The following FARS2 variants were observed in gnomAD, a reference collection of about 807,000 sequenced individuals.
FARS2 encodes the protein phenylalanyl-tRNA synthetase 2, mitochondrial, also known as phenylalanine--tRNA ligase, mitochondrial.
A neutral mutation model predicts 46.4 loss-of-function variants in FARS2; 40 were observed. The ratio of observed to expected loss-of-function variants is 0.86; its 90% CI spans 0.67 to 1.12. FARS2 has a LOEUF of 1.12. FARS2 is among the 50% of genes most tolerant of loss of function. FARS2 has a pLI of 0.00. For missense variants in FARS2, 513 were observed against 567.9 expected (o/e 0.90, Z 0.98); for synonymous variants, 234 against 214.9 (o/e 1.09, Z -0.78).
intron 4 of FARS2, among the ~76,000 whole-genome samples, chr6:5,489,680 A>G (rs2150358232): frequency 6.6e-6 from 1 of 152,224 alleles, no homozygotes; most frequent in South Asian, 2.1e-4. Context: ...TTTCCTGTAC[A>G]GGCATATTAG....
rs565135266 is a variant in FARS2 at position 5,737,995 on chromosome 6, C to T, written c.1218-33296C>T. ...AGACCACATCTTGCTCTGTCACCCA[C>T]GCTGGAGTGCAGTGGTGCAATCATG... On this transcript the variant is annotated intron_variant, in intron 6 of 6. Transcript: ENST00000274680. Among the ~76,000 whole-genome samples the T allele has an allele frequency of 9.8e-5, 15 of 152,290 alleles. No individual in the cohort carries two copies. The South Asian group carries it at 2.1e-3, about 21-fold the overall frequency.
In FARS2 at chr6:5,471,511, T is replaced by G. The variant is rs1174360404; in HGVS notation, c.904+40339T>G. On this transcript the variant is annotated intron_variant, in intron 4 of 6. Transcript: ENST00000274680. This position sits in a 1 kb window ranked among gnomAD's most constrained non-coding sequence, Gnocchi z 4.1. ...TCCTTTAATGAAGGACATATGAGAT[T>G]TTTGCTTGAAGTAAATGTTACCAGC... Among the ~76,000 whole-genome samples, 1 of 152,212 alleles carries G rather than the reference T, an allele frequency of 6.6e-6. No homozygotes were observed. Among genetic ancestry groups the G allele is most frequent in the Non-Finnish European group, 1.5e-5 (1 of 68,038 alleles).
intron 6 of FARS2, among the ~76,000 whole-genome samples, chr6:5,664,755 G>A (rs1160395052): frequency 1.3e-5 from 2 of 152,122 alleles, no homozygotes; most frequent in Non-Finnish European, 1.5e-5. Context: ...CTTCCTCAGC[G>A]TAGGCATATA....
At chr6:5,524,160 G>A (rs9405273) in intron 4 of FARS2, among the ~76,000 whole-genome samples, 90,121 of 152,044 alleles carry the variant, frequency 0.59, 27,520 homozygotes, top group African/African-American at 0.71. Context: ...TTTAGAGATA[G>A]CAGTGTTACC....
At chr6:5,405,480 C>CTGTTTTTTTTTTTTTTTT (rs1761518496) in intron 3 of FARS2, among the ~76,000 whole-genome samples, 3 of 58,946 alleles carry the variant, frequency 5.1e-5, no homozygotes, top group Non-Finnish European at 9.3e-5. Context: ...GAGCAAGGTT[C>CTGTTTTTTTTTTTTTTTT]TTTTTTTTTT....
At chr6:5,315,764 T>TCTTCC (rs1232161052) in intron 1 of FARS2, among the ~76,000 whole-genome samples, 1 of 152,030 alleles carries the variant, frequency 6.6e-6, no homozygotes. Flanking sequence ...CTTTCTTTTT[T>TCTTCC]TTGGGGAGAA....
At chr6:5,526,167 A>C (rs748418252) in intron 4 of FARS2, among the ~76,000 whole-genome samples, 15 of 152,234 alleles carry the variant, frequency 9.9e-5, no homozygotes, top group Non-Finnish European at 1.6e-4. Context: ...AATTCCTCTC[A>C]GCGCTCAAGT....
At chr6:5,421,244 C>G (rs1404355065) in intron 3 of FARS2, among the ~76,000 whole-genome samples, 1 of 152,214 alleles carries the variant, frequency 6.6e-6, no homozygotes, top group African/African-American at 2.4e-5. Flanking sequence ...TCTACATTGA[C>G]CCCTTTCAGC....
At position 5,532,467 on chromosome 6, in the gene FARS2, G is replaced by A. The variant is rs537380302; in HGVS notation, c.905-12713G>A. Among the ~76,000 whole-genome samples, 7 of 152,236 alleles carry A rather than the reference G, an allele frequency of 4.6e-5. No homozygotes were observed. The East Asian group carries it at 1.4e-3, about 29-fold the overall frequency. On this transcript the variant is annotated intron_variant, in intron 4 of 6. Coordinates refer to ENST00000274680, the MANE Select transcript of FARS2 (RefSeq NM_006567.5). ...TGGTGAAGTTCTGTAATATATGAAT[G>A]TTGGCTGGGCGCAGTGGCTCACGCC...
intron 1 of FARS2, among the ~76,000 whole-genome samples, chr6:5,292,307 G>A (rs1296521319): frequency 1.3e-5 from 2 of 152,218 alleles, no homozygotes; most frequent in Non-Finnish European, 2.9e-5. Context: ...TTCTGTTTTA[G>A]ATCATTTTGA....
chr6:5,382,903 G>A (rs1759880503), intron 2 of FARS2, among the ~76,000 whole-genome samples: 1 of 152,206 alleles, frequency 6.6e-6, no homozygotes, highest in South Asian at 2.1e-4. Context: ...CCAGTACAGG[G>A]ACAGTGAAGT....
At chr6:5,760,067 A>C (rs917141519) in intron 6 of FARS2, among the ~76,000 whole-genome samples, 1 of 152,128 alleles carries the variant, frequency 6.6e-6, no homozygotes, top group African/African-American at 2.4e-5. Context: ...AATTAATTAG[A>C]CCCAGAGTTC....
chr6:5,347,513 T>C (rs1167002273), intron 1 of FARS2, among the ~76,000 whole-genome samples: 1 of 152,214 alleles, frequency 6.6e-6, no homozygotes, highest in Non-Finnish European at 1.5e-5. Context: ...TTTGTGTGTG[T>C]GCGTGTGTGT....
At chr6:5,567,427 G>A (rs1306000669) in intron 5 of FARS2, among the ~76,000 whole-genome samples, 1 of 152,126 alleles carries the variant, frequency 6.6e-6, no homozygotes, top group Non-Finnish European at 1.5e-5. Flanking sequence ...TCGTATTGCT[G>A]CAAACAAATT....
chr6:5,601,215 C>T (rs1182457754), intron 5 of FARS2, among the ~76,000 whole-genome samples: 4 of 151,868 alleles, frequency 2.6e-5, no homozygotes, highest in African/African-American at 9.7e-5. Context: ...CATCAGAGCC[C>T]TTAGTTTTAA....
chr6:5,525,445 T>C (rs1769403069), intron 4 of FARS2, among the ~76,000 whole-genome samples: 1 of 152,124 alleles, frequency 6.6e-6, no homozygotes, highest in South Asian at 2.1e-4. Flanking sequence ...TTATTGTAAG[T>C]AGTTGCACAC....
At chr6:5,666,898 A>T (rs1217490805) in intron 6 of FARS2, among the ~76,000 whole-genome samples, 1 of 152,224 alleles carries the variant, frequency 6.6e-6, no homozygotes, top group African/African-American at 2.4e-5. Flanking sequence ...ATACAAAAGA[A>T]TGCGATCATG....
chr6:5,743,186 G>A (rs1021010049), intron 6 of FARS2, among the ~76,000 whole-genome samples: 12 of 152,134 alleles, frequency 7.9e-5, no homozygotes, highest in Admixed American at 3.3e-4. Context: ...TGATTAAATG[G>A]CAACTTTAGC....
At chr6:5,746,558 G>A (rs1329455960) in intron 6 of FARS2, among the ~76,000 whole-genome samples, 1 of 151,886 alleles carries the variant, frequency 6.6e-6, no homozygotes, top group Non-Finnish European at 1.5e-5. Context: ...CTTGGGCCGA[G>A]GGCTTCAGTG....
Sources: allele counts gnomAD v4.1 joint callset (sites outside exome capture counted in the v4.1 genomes callset), GRCh38; gene constraint gnomAD v4.1.1; non-coding constraint Gnocchi (gnomAD v3.1); transcripts MANE v1.5; gene names NCBI Gene and HGNC (gene_info 2026-07-23, HGNC 2026-07-21).